ZCCHC14: variants seen among roughly 807,000 people sequenced by gnomAD.
ZCCHC14 encodes zinc finger CCHC domain-containing protein 14.
A neutral mutation model predicts 85.0 loss-of-function variants in ZCCHC14; 16 were observed. The observed-to-expected ratio is 0.19, with a 90% CI of 0.13 to 0.29. The LOEUF (loss-of-function observed/expected upper bound fraction) is 0.29. Ranked by LOEUF, ZCCHC14 falls within the 10% of genes least tolerant of loss-of-function variation. The pLI, the probability that ZCCHC14 is intolerant of heterozygous loss-of-function variation, is 1.00. For synonymous variants in ZCCHC14, 775 were observed against 630.7 expected (o/e 1.23, Z -3.43); for missense variants, 1,303 against 1,443.5 (o/e 0.90, Z 1.58).
chr16:87,485,203 T>C (rs915077022), intron 1 of ZCCHC14, among the ~76,000 whole-genome samples: 1 of 152,164 alleles, frequency 6.6e-6, no homozygotes, highest in Non-Finnish European at 1.5e-5. Context: ...CATGCCCTGA[T>C]CAGACATGAC....
chr16:87,461,990 G>A lies in ZCCHC14; in HGVS notation c.571-1859C>T, dbSNP rs369932599. ...TTATGTAACTCGAGAAAATAAGGCC[G>A]GGCGCAGCAGCTCATGGCTATAATC... On this transcript the variant is annotated intron_variant, in intron 1 of 12. Coordinates refer to ENST00000671377, the MANE Select transcript of ZCCHC14 (RefSeq NM_015144.3). Among the ~76,000 whole-genome samples, 434 of 152,212 alleles carry A rather than the reference G, an allele frequency of 2.9e-3. 1 individual carries two copies. Among genetic ancestry groups the A allele is most frequent in the Non-Finnish European group, 4.5e-3 (304 of 68,002 alleles).
At chr16:87,431,472 GAA>G (rs537437083) in intron 3 of ZCCHC14, among the ~76,000 whole-genome samples, 11,320 of 76,518 alleles carry the variant, frequency 0.15, 1,091 homozygotes, top group African/African-American at 0.35. Flanking sequence ...GGCTCTGTCT[GAA>G]AAAAAAAAAA....
At position 87,412,184 on chromosome 16, in the gene ZCCHC14, G is replaced by A; in HGVS notation, c.2537C>T (p.Pro846Leu). ...GFCANSNTAS[P>L]SSHPSTSFAN... ...AAAGGACGTGGAGGGGTGGCTGCTG[G>A]GAGAGGCAGTGTTGCTGTTTGCACA... The change falls in exon 12 of 13, where the codon CCC (proline) becomes CTC (leucine). Residue 846 changes from proline (P) to leucine (L), a missense_variant. This residue lies in a region of ZCCHC14 where 797 missense variants were observed against 730.8 expected (regional missense o/e 1.09). Transcript: ENST00000671377. The A allele has an allele frequency of 6.2e-7, 1 of 1,614,062 alleles. No individual in the cohort carries two copies. Among genetic ancestry groups the A allele is most frequent in the Non-Finnish European group, 8.5e-7 (1 of 1,180,042 alleles).
At chr16:87,467,513 C>T in intron 1 of ZCCHC14, 1 of 1,606,212 alleles carries the variant, frequency 6.2e-7, no homozygotes, top group South Asian at 1.1e-5. Context: ...ATACAGCATC[C>T]CTTTCTCAAC....
chr16:87,433,313 C>A, intron 2 of ZCCHC14, 112 bp from the exon 3 acceptor site: 1 of 997,920 alleles, frequency 1.0e-6, no homozygotes, highest in South Asian at 1.5e-5. Flanking sequence ...GCACCCAAGG[C>A]TGTCCTGTCA....
Position 87,446,717 on chromosome 16 carries a change from T to A in ZCCHC14, c.694+13291A>T, listed in dbSNP as rs372170004. On this transcript the variant is annotated intron_variant, in intron 2 of 12. Coordinates refer to ENST00000671377, the MANE Select transcript of ZCCHC14 (RefSeq NM_015144.3). ...ACTTTCTTTTTTTTTTGAGATAGAG[T>A]TTCGCTCTGCCACCCAGGCTGGAGT... Among the ~76,000 whole-genome samples, 67 of 151,708 alleles carry A rather than the reference T, an allele frequency of 4.4e-4. 1 individual carries two copies. The highest frequency in any genetic ancestry group is 1.5e-3 in the African/African-American group (63 of 41,350).
At chr16:87,485,217 C>T (rs911586826) in intron 1 of ZCCHC14, among the ~76,000 whole-genome samples, 12 of 152,160 alleles carry the variant, frequency 7.9e-5, no homozygotes, top group African/African-American at 7.2e-5. Context: ...ACATGACACA[C>T]GGCTGCTAGA....
At chr16:87,418,389 GACA>G (rs2150726723) in intron 7 of ZCCHC14, among the ~76,000 whole-genome samples, 1 of 152,308 alleles carries the variant, frequency 6.6e-6, no homozygotes, top group Non-Finnish European at 1.5e-5. Context: ...CTCGCGCCCA[GACA>G]ACATCTCCAC....
At chr16:87,432,281 C>G (rs1909701654) in intron 3 of ZCCHC14, among the ~76,000 whole-genome samples, 1 of 152,154 alleles carries the variant, frequency 6.6e-6, no homozygotes, top group Non-Finnish European at 1.5e-5. Flanking sequence ...TCGGCACCAT[C>G]AGCCGGGACA....
At chr16:87,431,172 G>A (rs895759732) in intron 3 of ZCCHC14, among the ~76,000 whole-genome samples, 3 of 146,410 alleles carry the variant, frequency 2.0e-5, no homozygotes, top group Non-Finnish European at 4.5e-5. Context: ...AATGAGAAAG[G>A]AAAGGAAAAG....
chr16:87,410,346 G>C lies in ZCCHC14; in HGVS notation c.3206-11C>G, dbSNP rs1263091494. On this transcript the variant is annotated splice_polypyrimidine_tract_variant and intron_variant, in intron 12 of 12. Transcript: ENST00000671377. ...TCAACCTAAAAGTACCTAGAGAGAG[G>C]GGAAAAAAGAGGTCAAATTTGAATG... The C allele has an allele frequency of 5.2e-6, 4 of 771,586 alleles. No individual in the cohort carries two copies. The highest frequency in any genetic ancestry group is 1.7e-5 in the African/African-American group (1 of 58,386). The allele number at this position is 771,586 out of a possible 1,614,324, so 47.8% of individuals were successfully genotyped here. A position where few individuals can be genotyped will look rare whatever the true frequency, so the allele number is the denominator to read the frequency against.
At chr16:87,440,094 G>A (rs893006235) in intron 2 of ZCCHC14, among the ~76,000 whole-genome samples, 3 of 152,100 alleles carry the variant, frequency 2.0e-5, no homozygotes, top group African/African-American at 4.8e-5. Flanking sequence ...GGTGAAAGCC[G>A]CTGTGCCCGG....
intron 1 of ZCCHC14, chr16:87,470,273 T>C (rs1233480706): frequency 2.6e-5 from 4 of 152,076 alleles, no homozygotes; most frequent in Non-Finnish European, 4.4e-5. Flanking sequence ...GAGGCTGCAA[T>C]GAGCTATGAT....
At chr16:87,436,276 T>C (rs1380783180) in intron 2 of ZCCHC14, among the ~76,000 whole-genome samples, 1 of 152,272 alleles carries the variant, frequency 6.6e-6, no homozygotes, top group Non-Finnish European at 1.5e-5. Flanking sequence ...AGGCTCCAAA[T>C]GTTGGCGCAT....
At chr16:87,418,687 G>T (rs1908927078) in intron 7 of ZCCHC14, among the ~76,000 whole-genome samples, 160 bp downstream of exon 7, 1 of 152,046 alleles carries the variant, frequency 6.6e-6, no homozygotes, top group South Asian at 2.1e-4. Context: ...CTCTTTTTTT[G>T]GAAATCGTAA....
chr16:87,462,582 T>C (rs1045500693), intron 1 of ZCCHC14, among the ~76,000 whole-genome samples: 7 of 149,996 alleles, frequency 4.7e-5, no homozygotes, highest in Admixed American at 1.3e-4. Context: ...CTACTAAAAA[T>C]ACAAAAAATT....
At chr16:87,423,764 G>A (rs1394039226) in intron 4 of ZCCHC14, 46 bp downstream of exon 4, 1 of 1,599,506 alleles carries the variant, frequency 6.3e-7, no homozygotes, top group South Asian at 1.1e-5. Context: ...CAGCCACTGG[G>A]GAATGTGATT....
At chr16:87,467,360 TGG>T in intron 1 of ZCCHC14, 1 of 1,597,268 alleles carries the variant, frequency 6.3e-7, no homozygotes, top group Non-Finnish European at 8.6e-7. Context: ...TCTGCACCCC[TGG>T]GGTAATTAAG....
rs11313580 is a variant in ZCCHC14 at position 87,467,045 on chromosome 16, G to GTTT, written c.571-6917_571-6915dup. The GTTT allele has an allele frequency of 3.8e-3, 1,055 of 279,480 alleles. 38 individuals are homozygous for GTTT. In the Admixed American group the frequency reaches 0.047, roughly 12 times the overall value. 17.3% of individuals were successfully genotyped at this position (279,480 alleles called of 1,614,324 possible). A position where few individuals can be genotyped will look rare whatever the true frequency, so the allele number is the denominator to read the frequency against. On this transcript the variant is annotated intron_variant, in intron 1 of 12. Coordinates refer to ENST00000671377, the MANE Select transcript of ZCCHC14 (RefSeq NM_015144.3). ...GTGTTTTTCATGAAAAAAAAAAATT[G>GTTT]TTTTTTTTTTTTTTTTTACTAAAGA...
Sources: allele counts gnomAD v4.1 joint callset (sites outside exome capture counted in the v4.1 genomes callset), GRCh38; gene constraint gnomAD v4.1.1; regional missense constraint gnomAD v4.1.1; transcripts MANE v1.5; gene names NCBI Gene and HGNC (gene_info 2026-07-23, HGNC 2026-07-21).